NRG2: variants seen among roughly 807,000 people sequenced by gnomAD.
NRG2 encodes the protein neuregulin 2, also known as pro-neuregulin-2, membrane-bound isoform.
A neutral mutation model predicts 73.9 loss-of-function variants in NRG2; 27 were observed. That is an observed-to-expected ratio of 0.37 (90% CI 0.27 to 0.50). The LOEUF is 0.50. Among genes scored for constraint, NRG2 ranks in the 20% least tolerant of loss-of-function variants. The pLI is 0.96. For synonymous variants in NRG2, 532 were observed against 541.0 expected, an observed-to-expected ratio of 0.98 and a Z score of 0.23; for missense variants, 1,126 against 1,210.1, an observed-to-expected ratio of 0.93 and a Z score of 1.03.
At position 139,848,489 on chromosome 5, in the gene NRG2, C is replaced by T. The variant is rs1761177838; in HGVS notation, c.1981G>A (p.Gly661Arg). The T allele has an allele frequency of 5.2e-6, 6 of 1,144,798 alleles. No individual in the cohort carries two copies. The highest frequency in any genetic ancestry group is 7.2e-5 in the East Asian group (2 of 27,904). 70.9% of individuals were successfully genotyped at this position (1,144,798 alleles called of 1,614,324 possible). A position where few individuals can be genotyped will look rare whatever the true frequency, so the allele number is the denominator to read the frequency against. Residue 661 changes from glycine (G) to arginine (R), a missense_variant, in exon 10 of 10, where the codon GGG becomes AGG. This residue lies in a region of NRG2 where 402 missense variants were observed against 357.8 expected (regional missense o/e 1.12). Transcript: ENST00000361474. ...TCTGCGCCGGGCCCGGGCCCGGGCC[C>T]GGGTCCGGGTCCCGGGCCGGGGGGC... is the stretch of plus-strand genomic sequence containing the variant. ...PAPPGPGPGP[G>R]PGPGPGADMQ...
intron 1 of NRG2, among the ~76,000 whole-genome samples, chr5:139,924,420 G>A (rs543957148): frequency 3.7e-4 from 56 of 152,262 alleles, no homozygotes; most frequent in Non-Finnish European, 7.2e-4. Flanking sequence ...CTTCCTTGTT[G>A]GGTTCTACAG....
At chr5:139,977,158 A>G (rs1170129619) in intron 1 of NRG2, among the ~76,000 whole-genome samples, 1 of 152,236 alleles carries the variant, frequency 6.6e-6, no homozygotes, top group Non-Finnish European at 1.5e-5. Flanking sequence ...TACCACACTA[A>G]TGTAAGATGT....
chr5:140,031,262 G>T (rs561046338), intron 1 of NRG2, among the ~76,000 whole-genome samples: 2 of 152,332 alleles, frequency 1.3e-5, no homozygotes, highest in African/African-American at 4.8e-5. Flanking sequence ...AGCCAGGTGG[G>T]ATGAAGTGGG....
intron 1 of NRG2, among the ~76,000 whole-genome samples, chr5:139,977,781 A>G (rs1002770347): frequency 6.6e-6 from 1 of 152,218 alleles, no homozygotes; most frequent in African/African-American, 2.4e-5. Context: ...GCCCTCAGAA[A>G]TAATGCCGCG....
intron 1 of NRG2, among the ~76,000 whole-genome samples, chr5:139,929,341 A>G (rs1241080533): frequency 2.0e-5 from 3 of 152,138 alleles, no homozygotes; most frequent in African/African-American, 7.2e-5. Context: ...CTTCCCTCCA[A>G]TGACATTAAG....
chr5:139,868,666 G>C lies in NRG2; in HGVS notation c.1113-3041C>G, dbSNP rs1005146189. Among the ~76,000 whole-genome samples the C allele has an allele frequency of 2.0e-5, 3 of 152,110 alleles. No individual in the cohort carries two copies. Among genetic ancestry groups the C allele is most frequent in the Admixed American group, 2.0e-4 (3 of 15,280 alleles). On this transcript the variant is annotated intron_variant, in intron 4 of 9. Transcript: ENST00000361474. The surrounding 1 kb of genome is among the most constrained non-coding windows in gnomAD (Gnocchi z 4.2). Reference sequence around the variant, plus strand: ...TTCCCACCCCACCTCCCGGGCCTCAGTTTCTCCTTTTGGTAGCCTGGGGAT... The same window carrying C: ...TTCCCACCCCACCTCCCGGGCCTCACTTTCTCCTTTTGGTAGCCTGGGGAT...
In NRG2 at chr5:140,043,053, C is replaced by T; in HGVS notation, c.17G>A (p.Cys6Tyr). The change falls in exon 1 of 10, where the codon TGC (cysteine) becomes TAC (tyrosine). Residue 6 changes from cysteine (C) to tyrosine (Y), a missense_variant. Physicochemically the swap from Cys to Tyr is radical, Grantham distance 194. Transcript: ENST00000361474. The surrounding 1 kb of genome is among the most constrained non-coding windows in gnomAD (Gnocchi z 6.7). ...CAGTGGCGGCGGCGGCAGCGCTGAG[C>T]AGCAAACCTGCCGCATCTGGCCAGG... MRQVC[C>Y]SALPPPPLEK... is the part of the protein sequence containing the mutation. 1 of 1,540,040 alleles carries T rather than the reference C, an allele frequency of 6.5e-7. No homozygotes were observed. Among genetic ancestry groups the T allele is most frequent in the Non-Finnish European group, 8.7e-7 (1 of 1,150,512 alleles).
intron 1 of NRG2, among the ~76,000 whole-genome samples, chr5:140,025,116 T>C (rs1760582283): frequency 6.6e-6 from 1 of 152,180 alleles, no homozygotes. Context: ...AAAAAACCCC[T>C]GACAAGGCCT....
At chr5:139,970,947 C>CT (rs912465970) in intron 1 of NRG2, among the ~76,000 whole-genome samples, 15 of 149,962 alleles carry the variant, frequency 1.0e-4, no homozygotes, top group East Asian at 3.9e-4. Context: ...ACCAGTTTTT[C>CT]TTTTTTTTTT....
intron 3 of NRG2, among the ~76,000 whole-genome samples, chr5:139,879,006 T>G (rs911564053): frequency 6.6e-6 from 1 of 152,230 alleles, no homozygotes; most frequent in African/African-American, 2.4e-5. Flanking sequence ...GCTCAAAGAC[T>G]AAGTGTTTGC....
chr5:139,850,985 C>CTT (rs796642299), intron 9 of NRG2, among the ~76,000 whole-genome samples: 1 of 144,722 alleles, frequency 6.9e-6, no homozygotes, highest in Non-Finnish European at 1.5e-5. Flanking sequence ...CCTGTTTGTT[C>CTT]TTTTTTTTTT....
At chr5:139,909,179 C>T (rs1276668786) in intron 1 of NRG2, among the ~76,000 whole-genome samples, 1 of 152,238 alleles carries the variant, frequency 6.6e-6, no homozygotes, top group Non-Finnish European at 1.5e-5. Context: ...CAATATTTAA[C>T]TGGCTTACAA....
At chr5:140,000,401 C>T (rs965652232) in intron 1 of NRG2, among the ~76,000 whole-genome samples, 1 of 152,218 alleles carries the variant, frequency 6.6e-6, no homozygotes, top group Non-Finnish European at 1.5e-5. Flanking sequence ...CATGGAGGAC[C>T]AGGCTTAGCA....
Position 139,887,387 on chromosome 5 carries a change from C to T in NRG2, c.825G>A (p.Lys275=), listed in dbSNP as rs960828897. The T allele has an allele frequency of 3.1e-6, 5 of 1,614,246 alleles. No individual in the cohort carries two copies. Among genetic ancestry groups the T allele is most frequent in the East Asian group, 4.5e-5 (2 of 44,890 alleles). The change falls in exon 2 of 10, where the codon AAG becomes AAA. Residue 275 remains lysine (K), a synonymous_variant. Transcript: ENST00000361474. This position sits in a 1 kb window ranked among gnomAD's most constrained non-coding sequence, Gnocchi z 4.5. ...GAATGTCTCGGCTGCGGTTGAGCTC[C>T]TTGCCATCCTTGAACCAACGGTAGG... ...QPSYRWFKDG[K]ELNRSRDIRI...
intron 4 of NRG2, among the ~76,000 whole-genome samples, chr5:139,866,975 G>A (rs1040446887): frequency 1.3e-5 from 2 of 152,160 alleles, no homozygotes; most frequent in African/African-American, 2.4e-5. Context: ...GGTCTATATT[G>A]CCTCTGCATC....
chr5:139,948,078 C>T (rs1753926266), intron 1 of NRG2, among the ~76,000 whole-genome samples: 1 of 152,144 alleles, frequency 6.6e-6, no homozygotes, highest in Non-Finnish European at 1.5e-5. Context: ...TTTTCTCCTC[C>T]CCCACCCAAC....
At chr5:139,912,426 G>C (rs1190494470) in intron 1 of NRG2, among the ~76,000 whole-genome samples, 2 of 152,106 alleles carry the variant, frequency 1.3e-5, no homozygotes, top group East Asian at 3.9e-4. Flanking sequence ...GCCTGGTCTG[G>C]GTACTGGTTC....
intron 1 of NRG2, among the ~76,000 whole-genome samples, chr5:139,990,356 G>A (rs1432920863): frequency 1.3e-5 from 2 of 151,450 alleles, no homozygotes; most frequent in Non-Finnish European, 2.9e-5. Context: ...AGGCTGGAGG[G>A]CAGTGGCATG....
At chr5:139,878,805 G>T (rs1581842766) in intron 3 of NRG2, among the ~76,000 whole-genome samples, 1 of 152,190 alleles carries the variant, frequency 6.6e-6, no homozygotes, top group East Asian at 1.9e-4. Context: ...CTTGGGATAG[G>T]ATGAGAGAAG....
Sources: gnomAD v4.1 joint callset for allele counts (sites outside exome capture counted in the v4.1 genomes callset) on GRCh38, gnomAD v4.1.1 for gene constraint, gnomAD v4.1.1 regional missense constraint, Gnocchi (gnomAD v3.1) non-coding constraint, MANE v1.5 for transcripts, NCBI Gene and HGNC (gene_info 2026-07-23, HGNC 2026-07-21) for gene names.